ANOS1: variants seen among roughly 807,000 people sequenced by gnomAD.
The protein encoded by ANOS1 is anosmin-1.
Under a neutral mutation model 59.0 loss-of-function variants are expected in ANOS1, and 6 were observed. The ratio of observed to expected loss-of-function variants is 0.10; its 90% CI spans 0.06 to 0.20. ANOS1 has a LOEUF of 0.20. Among genes scored for constraint, ANOS1 ranks in the 10% least tolerant of loss-of-function variants. The pLI is 1.00. For missense variants in ANOS1, 433 were observed against 542.3 expected (o/e 0.80, Z 2.00); for synonymous variants, 217 against 223.4 (o/e 0.97, Z 0.25).
intron 8 of ANOS1, among the ~76,000 whole-genome samples, 158 bp from the exon 9 acceptor site, chrX:8,554,256 T>C (rs1929904576): frequency 9.0e-6 from 1 of 111,137 alleles, no homozygotes. Flanking sequence ...CCGGCTCATC[T>C]CATTAGGACT....
intron 1 of ANOS1, among the ~76,000 whole-genome samples, chrX:8,722,535 C>T (rs1462031536): frequency 9.0e-6 from 1 of 110,911 alleles, no homozygotes; most frequent in African/African-American, 3.3e-5. Flanking sequence ...ACCATCAGTT[C>T]ATTCCTTTTT....
At chrX:8,562,871 G>A (rs181598362) in intron 8 of ANOS1, among the ~76,000 whole-genome samples, 153 of 112,052 alleles carry the variant, frequency 1.4e-3, no homozygotes, top group Non-Finnish European at 2.4e-3. Context: ...CTGCAGACCT[G>A]GAAAAATATA....
intron 7 of ANOS1, among the ~76,000 whole-genome samples, chrX:8,569,362 G>A (rs1421076656): frequency 2.7e-5 from 3 of 112,456 alleles, no homozygotes; most frequent in South Asian, 3.7e-4. Context: ...ATAAAGTGGG[G>A]CTGGGCGTGG....
chrX:8,553,126 G>A (rs1488647264), intron 9 of ANOS1, among the ~76,000 whole-genome samples: 5 of 109,402 alleles, frequency 4.6e-5, no homozygotes, highest in Admixed American at 2.0e-4. Context: ...AGGCATAAGA[G>A]TGATAAAGAT....
At chrX:8,705,472 G>GT (rs1932775159) in intron 1 of ANOS1, among the ~76,000 whole-genome samples, 2 of 111,203 alleles carry the variant, frequency 1.8e-5, no homozygotes, top group African/African-American at 3.3e-5. Flanking sequence ...GCTTTTACCT[G>GT]TATCAGTCAT....
intron 1 of ANOS1, among the ~76,000 whole-genome samples, chrX:8,719,109 T>C (rs1238633820): frequency 1.8e-5 from 2 of 112,185 alleles, no homozygotes; most frequent in African/African-American, 6.5e-5. Flanking sequence ...AACAACACTC[T>C]GGACCTGTCC....
chrX:8,565,803 A>G (rs927503896), intron 8 of ANOS1: 3 of 122,562 alleles, frequency 2.4e-5, no homozygotes, highest in African/African-American at 9.7e-5. Context: ...GAAAATCCAG[A>G]GCTTGTGTTT....
chrX:8,660,296 T>A (rs1932015308), intron 2 of ANOS1, among the ~76,000 whole-genome samples: 1 of 111,855 alleles, frequency 8.9e-6, no homozygotes, highest in Admixed American at 9.5e-5. Flanking sequence ...CTGGCTTAGG[T>A]TTGTTTGTGT....
At chrX:8,648,445 G>A (rs1410309122) in intron 2 of ANOS1, among the ~76,000 whole-genome samples, 2 of 87,847 alleles carry the variant, frequency 2.3e-5, no homozygotes, top group Non-Finnish European at 4.0e-5. Flanking sequence ...TGGGGGACAA[G>A]GCAAAATTCC....
intron 4 of ANOS1, among the ~76,000 whole-genome samples, chrX:8,592,283 G>A (rs1425855997): frequency 2.8e-5 from 3 of 108,934 alleles, no homozygotes; most frequent in Non-Finnish European, 3.8e-5. Context: ...GCTACTGGAT[G>A]CAAAATGTTG....
At chrX:8,675,732 G>A in intron 2 of ANOS1, among the ~76,000 whole-genome samples, 1 of 107,446 alleles carries the variant, frequency 9.3e-6, no homozygotes. Context: ...CAGGGTACAT[G>A]TGCAGGATGT....
intron 2 of ANOS1, among the ~76,000 whole-genome samples, chrX:8,648,665 C>A (rs1464780214): frequency 2.7e-5 from 3 of 111,192 alleles, no homozygotes; most frequent in Non-Finnish European, 5.7e-5. Context: ...ATTTTTAATT[C>A]TTTATATTTG....
At chrX:8,716,879 A>C (rs980546565) in intron 1 of ANOS1, among the ~76,000 whole-genome samples, 4 of 112,143 alleles carry the variant, frequency 3.6e-5, no homozygotes, top group Non-Finnish European at 5.6e-5. Context: ...AGACACAGAG[A>C]TAGAGACCCA....
At chrX:8,634,191 G>A (rs1467838692) in intron 2 of ANOS1, among the ~76,000 whole-genome samples, 1 of 110,592 alleles carries the variant, frequency 9.0e-6, no homozygotes, top group Non-Finnish European at 1.9e-5. Context: ...ATTACTTGGA[G>A]GTAAAGAATC....
At chrX:8,534,856 G>C (rs1335195022) in intron 12 of ANOS1, among the ~76,000 whole-genome samples, 1 of 111,893 alleles carries the variant, frequency 8.9e-6, no homozygotes, top group Admixed American at 9.5e-5. Flanking sequence ...TGAGCCAACT[G>C]TTTTTCTTAA....
chrX:8,590,749 T>A (rs1476901001), intron 4 of ANOS1, among the ~76,000 whole-genome samples: 1 of 112,295 alleles, frequency 8.9e-6, no homozygotes, highest in Non-Finnish European at 1.9e-5. Context: ...CACTCAAGAA[T>A]ATGTCTGTGG....
chrX:8,633,818 A>G (rs1267583292), intron 2 of ANOS1, among the ~76,000 whole-genome samples: 1 of 112,100 alleles, frequency 8.9e-6, no homozygotes, highest in Admixed American at 9.5e-5. Context: ...CAAAGCAATT[A>G]GCCTCTAGTC....
chrX:8,641,683 C>T (rs756631063), intron 2 of ANOS1, among the ~76,000 whole-genome samples: 1 of 112,236 alleles, frequency 8.9e-6, no homozygotes, highest in Non-Finnish European at 1.9e-5. Context: ...ATATTAAATA[C>T]ACACCATAGT....
chrX:8,610,033 A>AAAAAAACAAC, intron 3 of ANOS1, among the ~76,000 whole-genome samples: 1 of 82,705 alleles, frequency 1.2e-5, no homozygotes, highest in Non-Finnish European at 2.3e-5. Flanking sequence ...AAAAAAAAAA[A>AAAAAAACAAC]AACAACAACC....
Sources: allele counts gnomAD v4.1 joint callset (sites outside exome capture counted in the v4.1 genomes callset), GRCh38; gene constraint gnomAD v4.1.1; transcripts MANE v1.5; gene names NCBI Gene and HGNC (gene_info 2026-07-23, HGNC 2026-07-21).